Variants in ABAT observed in about 807,000 individuals in gnomAD.
ABAT encodes 4-aminobutyrate aminotransferase, mitochondrial.
Under a neutral mutation model 64.6 loss-of-function variants are expected in ABAT, and 45 were observed. The observed-to-expected ratio is 0.70, with a 90% CI of 0.55 to 0.89. The LOEUF (loss-of-function observed/expected upper bound fraction) is 0.89. Among genes scored for constraint, ABAT ranks in the 40% least tolerant of loss-of-function variants. The probability of loss-of-function intolerance (pLI) is 0.00; values close to 1 mark genes in which losing one functional copy is unlikely to be tolerated. For missense variants in ABAT, 633 were observed against 658.4 expected, an observed-to-expected ratio of 0.96 and a Z score of 0.42; for synonymous variants, 297 against 250.5, an observed-to-expected ratio of 1.19 and a Z score of -1.75.
At chr16:8,707,353 A>ATTTTTTTTTTT (rs386384172) in intron 1 of ABAT, among the ~76,000 whole-genome samples, 3,848 of 123,570 alleles carry the variant, frequency 0.031, 227 homozygotes, top group African/African-American at 0.084. Flanking sequence ...TGCCAGGGTA[A>ATTTTTTTTTTT]TTTTTTTTTT....
chr16:8,687,300 G>A (rs914519843), intron 1 of ABAT, among the ~76,000 whole-genome samples: 2 of 152,254 alleles, frequency 1.3e-5, no homozygotes, highest in Admixed American at 6.5e-5. Flanking sequence ...TGAGGCGGGC[G>A]AATCACGAGG....
At chr16:8,723,315 C>G (rs2058429010) in intron 1 of ABAT, among the ~76,000 whole-genome samples, 1 of 152,120 alleles carries the variant, frequency 6.6e-6, no homozygotes, top group African/African-American at 2.4e-5. Context: ...GCAAGTTGGA[C>G]CAGAGCATGT....
At chr16:8,679,541 A>AAT (rs1555482703) in intron 1 of ABAT, among the ~76,000 whole-genome samples, 112 of 150,812 alleles carry the variant, frequency 7.4e-4, no homozygotes, top group African/African-American at 2.6e-3. Context: ...AAAAAAAAAA[A>AAT]GGTAGAAGGA....
At chr16:8,762,981 T>A (rs933361101) in intron 6 of ABAT, among the ~76,000 whole-genome samples, 1 of 150,992 alleles carries the variant, frequency 6.6e-6, no homozygotes, top group African/African-American at 2.4e-5. Context: ...CGGTGGCATG[T>A]GCCTGTAGTC....
intron 1 of ABAT, among the ~76,000 whole-genome samples, chr16:8,728,153 T>C (rs547706740): frequency 6.6e-6 from 1 of 152,198 alleles, no homozygotes; most frequent in African/African-American, 2.4e-5. Flanking sequence ...TTGTGTTGAT[T>C]GAATTAGTGG....
At chr16:8,712,281 G>C (rs765405722) in intron 1 of ABAT, among the ~76,000 whole-genome samples, 4 of 152,116 alleles carry the variant, frequency 2.6e-5, no homozygotes, top group Non-Finnish European at 5.9e-5. Context: ...AAATTACCAA[G>C]TGCTTACTTT....
chr16:8,700,772 AT>A (rs1010341267), intron 1 of ABAT, among the ~76,000 whole-genome samples: 54 of 148,466 alleles, frequency 3.6e-4, no homozygotes, highest in African/African-American at 1.0e-3. Context: ...ATTTTAAAAC[AT>A]TTTTTTTTTA....
At chr16:8,727,704 CAT>C (rs1291223490) in intron 1 of ABAT, among the ~76,000 whole-genome samples, 1 of 152,168 alleles carries the variant, frequency 6.6e-6, no homozygotes, top group Non-Finnish European at 1.5e-5. Flanking sequence ...TCTTTCCGCT[CAT>C]AGTTCTCTGC....
Position 8,781,189 on chromosome 16 carries a change from TGATGGATGGATGGATG to T in ABAT, c.1382-107_1382-92del, listed in dbSNP as rs3217123. The T allele has an allele frequency of 6.3e-6, 9 of 1,431,980 alleles. No individual in the cohort carries two copies. The highest frequency in any genetic ancestry group is 5.0e-5 in the Admixed American group (3 of 59,518). 88.7% of individuals were successfully genotyped at this position (1,431,980 alleles called of 1,614,324 possible). On this transcript the variant is annotated intron_variant, in intron 15 of 15. Transcript: ENST00000268251. The surrounding 1 kb of genome is among the most constrained non-coding windows in gnomAD (Gnocchi z 4.5). ...AAGCCCGGGCTTCCATGATGGAGGA[TGATGGATGGATGGATG>T]GATGGATGGATGAGCGTTGCCAACA...
At chr16:8,703,102 G>T (rs991375993) in intron 1 of ABAT, among the ~76,000 whole-genome samples, 3 of 151,830 alleles carry the variant, frequency 2.0e-5, no homozygotes, top group African/African-American at 4.8e-5. Flanking sequence ...TTATATGAAA[G>T]GATACTGGCT....
At position 8,781,584 on chromosome 16, in the gene ABAT, G is replaced by T. The variant is rs1263243899; in HGVS notation, c.*154G>T. 8.8e-6 allele frequency: 7 copies of T among 798,464 alleles called. No homozygotes were observed. The highest frequency in any genetic ancestry group is 3.1e-5 in the East Asian group (1 of 32,028). 49.5% of individuals were successfully genotyped at this position (798,464 alleles called of 1,614,324 possible). A position where few individuals can be genotyped will look rare whatever the true frequency, so the allele number is the denominator to read the frequency against. On this transcript the variant is annotated 3_prime_UTR_variant, in exon 16 of 16. Coordinates refer to ENST00000268251, the MANE Select transcript of ABAT (RefSeq NM_020686.6). This position sits in a 1 kb window ranked among gnomAD's most constrained non-coding sequence, Gnocchi z 4.5. ...GGGAGCATTTTTGGTGGTCTTGGGG[G>T]AGGGGAGGGGAGGGAAGGGCTGGTG...
At chr16:8,762,784 G>A (rs1365425142) in intron 6 of ABAT, among the ~76,000 whole-genome samples, 1 of 152,058 alleles carries the variant, frequency 6.6e-6, no homozygotes. Context: ...CCCACTAACA[G>A]GTCAGAGCCA....
chr16:8,733,458 CA>C (rs2058815825), intron 1 of ABAT, among the ~76,000 whole-genome samples: 1 of 151,754 alleles, frequency 6.6e-6, no homozygotes, highest in Non-Finnish European at 1.5e-5. Flanking sequence ...GCAATCTCGG[CA>C]CTTTGGGAGG....
rs770310062 is a variant in ABAT at position 8,764,844 on chromosome 16, C to G, written c.540+14C>G. The G allele has an allele frequency of 4.7e-6, 3 of 633,162 alleles. No individual in the cohort carries two copies. Among genetic ancestry groups the G allele is most frequent in the African/African-American group, 2.9e-5 (1 of 34,370 alleles). The allele number at this position is 633,162 out of a possible 1,614,324, so 39.2% of individuals were successfully genotyped here. ...ATGTGGTACCGGGTGAGGTTTGGGG[C>G]ACACACACACACACACACACAGGCT... On this transcript the variant is annotated intron_variant, in intron 8 of 15. Coordinates refer to ENST00000268251, the MANE Select transcript of ABAT (RefSeq NM_020686.6). This position sits in a 1 kb window ranked among gnomAD's most constrained non-coding sequence, Gnocchi z 4.2.
intron 11 of ABAT, among the ~76,000 whole-genome samples, chr16:8,769,627 G>T (rs904347438): frequency 6.6e-6 from 1 of 151,536 alleles, no homozygotes; most frequent in Non-Finnish European, 1.5e-5. Context: ...GGAAAAAATG[G>T]TTCCACAAGA....
chr16:8,768,171 G>A (rs1567312614), intron 9 of ABAT, 22 bp from the exon 10 acceptor site: 1 of 1,611,680 alleles, frequency 6.2e-7, no homozygotes, highest in Admixed American at 1.7e-5. Context: ...TATGACTAAT[G>A]ACTGATATTT....
At chr16:8,745,188 C>T (rs1232423163) in intron 2 of ABAT, among the ~76,000 whole-genome samples, 2 of 152,028 alleles carry the variant, frequency 1.3e-5, no homozygotes, top group South Asian at 4.1e-4. Flanking sequence ...CACCACGTTG[C>T]CCAAGCTGGT....
intron 1 of ABAT, among the ~76,000 whole-genome samples, chr16:8,684,239 A>G (rs2057400234): frequency 6.6e-6 from 1 of 152,158 alleles, no homozygotes; most frequent in African/African-American, 2.4e-5. Flanking sequence ...ACAGGCCCAG[A>G]GAGTTCATAG....
intron 2 of ABAT, among the ~76,000 whole-genome samples, chr16:8,744,440 T>C (rs1301944291): frequency 1.3e-5 from 2 of 152,026 alleles, no homozygotes; most frequent in African/African-American, 2.4e-5. Flanking sequence ...CAATCTTGGC[T>C]CACTGCAGCC....
Sources: gnomAD v4.1 joint callset for allele counts (sites outside exome capture counted in the v4.1 genomes callset) on GRCh38, gnomAD v4.1.1 for gene constraint, Gnocchi (gnomAD v3.1) non-coding constraint, MANE v1.5 for transcripts, NCBI Gene and HGNC (gene_info 2026-07-23, HGNC 2026-07-21) for gene names.